The following CAMTA1 variants were observed in gnomAD, a reference collection of about 807,000 sequenced individuals.
CAMTA1 encodes the protein calmodulin binding transcription activator 1.
CAMTA1 carries 27 observed loss-of-function variants against 170.9 expected under a neutral mutation model. The ratio of observed to expected loss-of-function variants is 0.16; its 90% CI spans 0.12 to 0.22. The LOEUF (loss-of-function observed/expected upper bound fraction) is 0.22, where lower values mean the gene tolerates loss of function less well. Ranked by LOEUF, CAMTA1 falls within the 10% of genes least tolerant of loss-of-function variation. The pLI is 1.00. For missense variants in CAMTA1, 1,619 were observed against 2,217.2 expected (o/e 0.73, Z 5.42); for synonymous variants, 833 against 891.5 (o/e 0.93, Z 1.17).
intron 4 of CAMTA1, among the ~76,000 whole-genome samples, chr1:7,118,495 T>G (rs1011387156): frequency 6.6e-6 from 1 of 151,634 alleles, no homozygotes; most frequent in Non-Finnish European, 1.5e-5. Flanking sequence ...AGTTGGGGTC[T>G]TCATGTGTTC....
At chr1:6,902,072 CAAAAAA>C (rs1553180442) in intron 3 of CAMTA1, among the ~76,000 whole-genome samples, 18 of 88,488 alleles carry the variant, frequency 2.0e-4, no homozygotes, top group African/African-American at 3.6e-4. Flanking sequence ...CACACACACA[CAAAAAA>C]AAAAATAAAA....
At chr1:7,022,563 T>C (rs1701509585) in intron 3 of CAMTA1, among the ~76,000 whole-genome samples, 1 of 152,230 alleles carries the variant, frequency 6.6e-6, no homozygotes, top group Admixed American at 6.5e-5. Flanking sequence ...CTTGGCACCT[T>C]CTGAAATCCT....
chr1:7,557,380 C>T (rs1057437246), intron 6 of CAMTA1, among the ~76,000 whole-genome samples: 5 of 152,036 alleles, frequency 3.3e-5, no homozygotes, highest in African/African-American at 9.6e-5. Context: ...CCCGGCCAAG[C>T]GGACAGACCA....
chr1:6,899,349 G>A (rs768881040), intron 3 of CAMTA1, among the ~76,000 whole-genome samples: 1 of 152,148 alleles, frequency 6.6e-6, no homozygotes, highest in African/African-American at 2.4e-5. Flanking sequence ...TTTTGTTGCC[G>A]TGGTTTGAAA....
Position 7,544,540 on chromosome 1 carries a change from T to G in CAMTA1, c.510+76639T>G, listed in dbSNP as rs532409200. Among the ~76,000 whole-genome samples the G allele has an allele frequency of 5.9e-5, 9 of 152,384 alleles. No individual in the cohort carries two copies. In the East Asian group the frequency reaches 1.7e-3, roughly 29 times the overall value. The stretch of plus-strand genomic sequence containing the variant: ...AAAGCTCAGAGCATGATCTCCTCTG[T>G]GCCCTGCTGCACTGAGCCTGAGAAT... On this transcript the variant is annotated intron_variant, in intron 6 of 22. Transcript: ENST00000303635.
At chr1:7,187,130 C>T (rs1375694285) in intron 4 of CAMTA1, among the ~76,000 whole-genome samples, 1 of 151,984 alleles carries the variant, frequency 6.6e-6, no homozygotes, top group Non-Finnish European at 1.5e-5. Context: ...GGCTGGGGCA[C>T]AGGGCAGGGT....
chr1:7,632,845 T>C (rs1216671069), intron 6 of CAMTA1, among the ~76,000 whole-genome samples: 1 of 152,262 alleles, frequency 6.6e-6, no homozygotes, highest in African/African-American at 2.4e-5. Context: ...CAAGGGCTGA[T>C]TGCGCACGCC....
At chr1:7,108,078 A>T (rs1227785686) in intron 4 of CAMTA1, among the ~76,000 whole-genome samples, 1 of 152,070 alleles carries the variant, frequency 6.6e-6, no homozygotes, top group Non-Finnish European at 1.5e-5. Context: ...TCTGGGGTAG[A>T]GGCTGTTGAT....
At chr1:6,791,630 A>G (rs190410775) in intron 1 of CAMTA1, among the ~76,000 whole-genome samples, 2 of 152,324 alleles carry the variant, frequency 1.3e-5, no homozygotes, top group Admixed American at 6.5e-5. Context: ...TGTTATATAT[A>G]GTACTGCCTT....
chr1:6,798,562 C>G (rs12024751), intron 1 of CAMTA1, among the ~76,000 whole-genome samples: 3,872 of 135,634 alleles, frequency 0.029, 254 homozygotes, highest in East Asian at 0.12. Context: ...GGACCACAGG[C>G]GCCCACCACC....
intron 5 of CAMTA1, among the ~76,000 whole-genome samples, chr1:7,303,154 A>G (rs1675042979): frequency 6.6e-6 from 1 of 152,148 alleles, no homozygotes; most frequent in South Asian, 2.1e-4. Context: ...CTAAACATTA[A>G]CTAGTATAAG....
intron 4 of CAMTA1, among the ~76,000 whole-genome samples, chr1:7,185,667 C>T (rs139842534): frequency 2.0e-5 from 3 of 152,134 alleles, no homozygotes; most frequent in East Asian, 1.9e-4. Flanking sequence ...ATCGTGAAAT[C>T]GGGACAAACA....
intron 5 of CAMTA1, among the ~76,000 whole-genome samples, chr1:7,353,137 C>T (rs1008994307): frequency 6.6e-6 from 1 of 152,182 alleles, no homozygotes; most frequent in African/African-American, 2.4e-5. Flanking sequence ...CCTACCCTCT[C>T]GAAGGCACAG....
At chr1:7,268,266 A>T (rs1456635546) in intron 5 of CAMTA1, among the ~76,000 whole-genome samples, 2 of 151,864 alleles carry the variant, frequency 1.3e-5, no homozygotes, top group African/African-American at 2.4e-5. Context: ...ACAGAGGAGA[A>T]GGGGGGGTCA....
At chr1:7,236,568 T>C (rs910230149) in intron 4 of CAMTA1, among the ~76,000 whole-genome samples, 5 of 152,142 alleles carry the variant, frequency 3.3e-5, no homozygotes, top group African/African-American at 9.7e-5. Flanking sequence ...CTGTGCGACG[T>C]TGGGGAAGTT....
At chr1:7,573,897 C>T (rs561870874) in intron 6 of CAMTA1, among the ~76,000 whole-genome samples, 1 of 152,200 alleles carries the variant, frequency 6.6e-6, no homozygotes, top group Non-Finnish European at 1.5e-5. Flanking sequence ...CCTCAGCCTC[C>T]CGTGTAGCTG....
chr1:7,569,208 C>A (rs903482552), intron 6 of CAMTA1, among the ~76,000 whole-genome samples: 6 of 150,592 alleles, frequency 4.0e-5, no homozygotes, highest in Non-Finnish European at 7.4e-5. Flanking sequence ...TTATCATCAC[C>A]ATTACCACCA....
chr1:7,428,991 C>G (rs1318500260), intron 5 of CAMTA1, among the ~76,000 whole-genome samples: 1 of 152,216 alleles, frequency 6.6e-6, no homozygotes, highest in Non-Finnish European at 1.5e-5. Context: ...GAACGAAATA[C>G]CCAGCACCTC....
intron 3 of CAMTA1, among the ~76,000 whole-genome samples, chr1:6,941,121 G>A (rs547354801): frequency 5.3e-5 from 8 of 152,158 alleles, no homozygotes; most frequent in Admixed American, 3.3e-4. Flanking sequence ...GAGGTTCGCC[G>A]ACTTCCAGTC....
Sources: gnomAD v4.1 joint callset for allele counts (sites outside exome capture counted in the v4.1 genomes callset) on GRCh38, gnomAD v4.1.1 for gene constraint, MANE v1.5 for transcripts, NCBI Gene and HGNC (gene_info 2026-07-23, HGNC 2026-07-21) for gene names.